Variants in BRMS1L observed in about 807,000 individuals in gnomAD.
The protein encoded by BRMS1L is breast cancer metastasis-suppressor 1-like protein.
Under a neutral mutation model 50.3 loss-of-function variants are expected in BRMS1L, and 23 were observed. The ratio of observed to expected loss-of-function variants is 0.46; its 90% confidence interval spans 0.33 to 0.65. The LOEUF (loss-of-function observed/expected upper bound fraction) is 0.65. Among genes scored for constraint, BRMS1L ranks in the 30% least tolerant of loss-of-function variants. The pLI is 0.02. For synonymous variants in BRMS1L, 114 were observed against 126.9 expected, an observed-to-expected ratio of 0.90 and a Z score of 0.69; for missense variants, 286 against 386.1, an observed-to-expected ratio of 0.74 and a Z score of 2.17.
chr14:35,852,416 C>G (rs2078223219), intron 4 of BRMS1L, among the ~76,000 whole-genome samples: 1 of 152,208 alleles, frequency 6.6e-6, no homozygotes, highest in Non-Finnish European at 1.5e-5. Context: ...ATCCGTAAAT[C>G]ACTTTGAGTA....
intron 9 of BRMS1L, 41 bp downstream of exon 9, chr14:35,868,073 C>A (rs757763672): frequency 1.3e-6 from 2 of 1,543,730 alleles, no homozygotes; most frequent in South Asian, 1.3e-5. Context: ...TCAGTATTGT[C>A]ATTTACAACA....
At position 35,862,670 on chromosome 14, in the gene BRMS1L, C is replaced by T. The variant is rs2078367814; in HGVS notation, c.522C>T (p.Ser174=). The part of the protein sequence containing the change: ...KIRRLEEDRH[S]IDITSELWND... ...GAAGGCTTGAAGAGGATAGGCACAGCATTGATATTACCTCAGGTAAGGAGA... is the reference window on the plus strand; with the variant it reads ...GAAGGCTTGAAGAGGATAGGCACAGTATTGATATTACCTCAGGTAAGGAGA... The change falls in exon 5 of 10, where the codon AGC becomes AGT. Residue 174 remains serine (S), a synonymous_variant. Coordinates refer to ENST00000216807, the MANE Select transcript of BRMS1L (RefSeq NM_032352.4). 3.1e-6 allele frequency: 5 copies of T among 1,608,030 alleles called. No homozygotes were observed. Among genetic ancestry groups the T allele is most frequent in the South Asian group, 1.1e-5 (1 of 90,196 alleles).
rs964264105 is a variant in BRMS1L at position 35,849,493 on chromosome 14, C to T, written c.442-13097C>T. Among the ~76,000 whole-genome samples, 11 of 151,734 alleles carry T rather than the reference C, an allele frequency of 7.2e-5. No homozygotes were observed. The East Asian group carries it at 2.2e-3, about 30-fold the overall frequency. ...TATTTTATTTTTGTGGAGATGGGGT[C>T]ATGCTGTGTTGCCCAGGCTGGTCTC... On this transcript the variant is annotated intron_variant, in intron 4 of 9. Transcript: ENST00000216807.
Position 35,834,928 on chromosome 14 carries a change from T to G in BRMS1L, c.441+5T>G, listed in dbSNP as rs749074108. 1.1e-5 allele frequency: 18 copies of G among 1,579,994 alleles called. No homozygotes were observed. Among genetic ancestry groups the G allele is most frequent in the Non-Finnish European group, 8.6e-7 (1 of 1,164,002 alleles). ...GCTTCTCGCCAGCATTGTGAGGTAC[T>G]GTCATTTTGCATAACTTTTAAGCTA... is the stretch of plus-strand genomic sequence containing the variant. On this transcript the variant is annotated splice_donor_5th_base_variant and intron_variant, in intron 4 of 9. Transcript: ENST00000216807.
At chr14:35,837,405 C>T (rs942160440) in intron 4 of BRMS1L, among the ~76,000 whole-genome samples, 2 of 152,114 alleles carry the variant, frequency 1.3e-5, no homozygotes, top group Non-Finnish European at 2.9e-5. Flanking sequence ...TATGAGCTGG[C>T]CTGTTAATAA....
At chr14:35,842,687 GGT>G (rs2078082210) in intron 4 of BRMS1L, among the ~76,000 whole-genome samples, 1 of 152,072 alleles carries the variant, frequency 6.6e-6, no homozygotes, top group Non-Finnish European at 1.5e-5. Context: ...GTATCTCTGT[GGT>G]GTTCTCTGTA....
Position 35,870,352 on chromosome 14 carries a change from CT to C in BRMS1L, c.855-3del. The C allele has an allele frequency of 7.1e-7, 1 of 1,416,536 alleles. No homozygotes were observed. The highest frequency in any genetic ancestry group is 1.9e-4 in the Middle Eastern group (1 of 5,346). 87.7% of individuals were successfully genotyped at this position (1,416,536 alleles called of 1,614,324 possible). A position where few individuals can be genotyped will look rare whatever the true frequency, so the allele number is the denominator to read the frequency against. On this transcript the variant is annotated splice_polypyrimidine_tract_variant and splice_region_variant and intron_variant, in intron 9 of 9. Transcript: ENST00000216807. The stretch of plus-strand genomic sequence containing the variant: ...TTCATTCATTCATTCTTTTTTTTTT[CT>C]TTTTAGTGCTGTAATTACAACAATT...
chr14:35,836,085 T>A (rs1267522021), intron 4 of BRMS1L, among the ~76,000 whole-genome samples: 1 of 152,222 alleles, frequency 6.6e-6, no homozygotes, highest in African/African-American at 2.4e-5. Flanking sequence ...TTTTGGCGTT[T>A]ACTAGCTGCT....
In BRMS1L at chr14:35,864,996, GA is replaced by G; in HGVS notation, c.686del (p.Lys229ArgfsTer11). 1.3e-6 allele frequency: 2 copies of G among 1,571,894 alleles called. No homozygotes were observed. The highest frequency in any genetic ancestry group is 1.9e-5 in the Admixed American group (1 of 53,146). On this transcript the variant is annotated frameshift_variant and splice_region_variant, in exon 7 of 10. Transcript: ENST00000216807. LOFTEE classifies it high-confidence loss of function. Reference sequence around the variant, plus strand: ...TTCTTGAAGACTGGACAACAATTAGGAAGGTATGATTAATGAGCAGTGGAAC... The same window carrying G: ...TTCTTGAAGACTGGACAACAATTAGGAGGTATGATTAATGAGCAGTGGAAC... The part of the protein sequence containing the change: ...DILEDWTTIR[K>X]AMATLGPHRV...
chr14:35,833,841 T>C (rs969069534), intron 3 of BRMS1L, among the ~76,000 whole-genome samples: 2 of 152,206 alleles, frequency 1.3e-5, no homozygotes, highest in East Asian at 3.8e-4. Flanking sequence ...GCATTGTTGA[T>C]AATAAGTTCT....
At chr14:35,832,326 A>G (rs1297085788) in intron 2 of BRMS1L, among the ~76,000 whole-genome samples, 3 of 150,062 alleles carry the variant, frequency 2.0e-5, no homozygotes, top group African/African-American at 7.4e-5. Context: ...AACACGGTGA[A>G]ACCCCGTCTC....
chr14:35,844,325 C>T (rs968331029), intron 4 of BRMS1L, among the ~76,000 whole-genome samples: 6 of 152,120 alleles, frequency 3.9e-5, no homozygotes, highest in African/African-American at 9.7e-5. Flanking sequence ...CGTAGGAACC[C>T]GAGGGAATCT....
intron 2 of BRMS1L, among the ~76,000 whole-genome samples, chr14:35,832,541 A>G (rs2077936173): frequency 6.6e-6 from 1 of 150,506 alleles, no homozygotes; most frequent in Non-Finnish European, 1.5e-5. Flanking sequence ...TGAATACAGT[A>G]ATACTGACTC....
In BRMS1L at chr14:35,848,507, C is replaced by T. The variant is rs192660266; in HGVS notation, c.441+13584C>T. 1.1e-3 allele frequency among the ~76,000 whole-genome samples: 160 copies of T among 152,074 alleles called. 2 individuals are homozygous for T. Among genetic ancestry groups the T allele is most frequent in the African/African-American group, 3.6e-3 (151 of 41,508 alleles). On this transcript the variant is annotated intron_variant, in intron 4 of 9. Coordinates refer to ENST00000216807, the MANE Select transcript of BRMS1L (RefSeq NM_032352.4). ...TGCACCACTGCATCTGGCTACAATACGTTATTATTACCTTTCATAATATTA... is the reference window on the plus strand; with the variant it reads ...TGCACCACTGCATCTGGCTACAATATGTTATTATTACCTTTCATAATATTA...
rs2077916887 is a variant in BRMS1L at position 35,831,416 on chromosome 14, A to T, written c.149A>T (p.Asp50Val). 6.2e-7 allele frequency: 1 copy of T among 1,611,788 alleles called. No individual in the cohort carries two copies. The highest frequency in any genetic ancestry group is 8.5e-7 in the Non-Finnish European group (1 of 1,178,124). ...VSEDGDSSEM[D>V]DEDCERRRME... ...TTTGCCTTTTTATTAACAGAAATGG[A>T]TGATGAAGACTGTGAAAGAAGAAGA... The change falls in exon 2 of 10, where the codon GAT becomes GTT. Residue 50 changes from aspartate (D) to valine (V), a missense_variant. Around this residue, in one of 5 missense-constraint regions of BRMS1L, gnomAD observed 66 missense variants for 67.8 expected, o/e 0.97. Coordinates refer to ENST00000216807, the MANE Select transcript of BRMS1L (RefSeq NM_032352.4).
At position 35,862,276 on chromosome 14, in the gene BRMS1L, A is replaced by T. The variant is rs1463632553; in HGVS notation, c.442-314A>T. On this transcript the variant is annotated intron_variant, in intron 4 of 9. Transcript: ENST00000216807. ...GATGGTGACAGATGGGACCTACTTA[A>T]ATTTAAAAGGGGCCATAGGGGTTTG... 6.6e-5 allele frequency among the ~76,000 whole-genome samples: 10 copies of T among 152,256 alleles called. No individual in the cohort carries two copies. The South Asian group carries it at 1.7e-3, about 25-fold the overall frequency.
At chr14:35,829,033 C>T (rs1350760814) in intron 1 of BRMS1L, among the ~76,000 whole-genome samples, 2 of 151,868 alleles carry the variant, frequency 1.3e-5, no homozygotes, top group African/African-American at 4.8e-5. Flanking sequence ...GCAACCTCTG[C>T]CTCCTGGATT....
intron 4 of BRMS1L, among the ~76,000 whole-genome samples, chr14:35,835,220 A>T (rs1252300328): frequency 6.6e-6 from 1 of 152,230 alleles, no homozygotes. Flanking sequence ...TAGTATAATT[A>T]GTATAATGTG....
chr14:35,845,944 A>G (rs568026874), intron 4 of BRMS1L, among the ~76,000 whole-genome samples: 5 of 152,320 alleles, frequency 3.3e-5, no homozygotes, highest in South Asian at 2.1e-4. Flanking sequence ...GTCATACTCA[A>G]TAAGTTGTAA....
Sources: allele counts gnomAD v4.1 joint callset (sites outside exome capture counted in the v4.1 genomes callset), GRCh38; gene constraint gnomAD v4.1.1; regional missense constraint gnomAD v4.1.1; transcripts MANE v1.5; gene names NCBI Gene and HGNC (gene_info 2026-07-23, HGNC 2026-07-21).